GPHN: variants seen among roughly 807,000 people sequenced by gnomAD.
GPHN encodes the protein gephyrin.
GPHN carries 17 observed loss-of-function variants against 95.5 expected under a neutral mutation model. That is an observed-to-expected ratio of 0.18 (90% CI 0.12 to 0.27). The LOEUF is 0.27. Ranked by LOEUF, GPHN falls within the 10% of genes least tolerant of loss-of-function variation. The probability of loss-of-function intolerance (pLI) is 1.00; values close to 1 mark genes in which losing one functional copy is unlikely to be tolerated. For synonymous variants in GPHN, 320 were observed against 322.5 expected (o/e 0.99, Z 0.08); for missense variants, 660 against 978.1 (o/e 0.67, Z 4.34).
downstream of GPHN, among the ~76,000 whole-genome samples, chr14:67,185,330 A>G (rs528019825): frequency 1.3e-5 from 2 of 152,292 alleles, no homozygotes; most frequent in South Asian, 4.1e-4. Flanking sequence ...TGGGAAAGAA[A>G]AGGGGCATTT....
At chr14:66,609,150 T>C (rs2062672975) in intron 1 of GPHN, among the ~76,000 whole-genome samples, 1 of 152,180 alleles carries the variant, frequency 6.6e-6, no homozygotes, top group South Asian at 2.1e-4. Flanking sequence ...TAGCACTCCC[T>C]TATGGACTTT....
intron 10 of GPHN, among the ~76,000 whole-genome samples, chr14:67,027,375 G>A (rs2073980471): frequency 6.6e-6 from 1 of 152,012 alleles, no homozygotes; most frequent in Non-Finnish European, 1.5e-5. Flanking sequence ...CTGTCACCCA[G>A]GATGGAATGC....
chr14:66,800,517 A>G (rs2060309446), intron 3 of GPHN, among the ~76,000 whole-genome samples: 1 of 152,104 alleles, frequency 6.6e-6, no homozygotes, highest in Non-Finnish European at 1.5e-5. Context: ...CTTGGTCTAT[A>G]AGGTTTCCAC....
chr14:67,376,544 A>C, the GPHN span: 1 of 1,614,124 alleles, frequency 6.2e-7, no homozygotes, highest in Non-Finnish European at 8.5e-7. Flanking sequence ...TGACAAGTAC[A>C]AGAGACCTGG....
chr14:66,726,790 A>G (rs2071280777), intron 2 of GPHN, among the ~76,000 whole-genome samples: 1 of 152,220 alleles, frequency 6.6e-6, no homozygotes, highest in Non-Finnish European at 1.5e-5. Flanking sequence ...GAGTGCTGCC[A>G]TGATGCCACA....
At chr14:66,509,560 G>C (rs755064369) in intron 1 of GPHN, among the ~76,000 whole-genome samples, 9 of 152,328 alleles carry the variant, frequency 5.9e-5, no homozygotes, top group Non-Finnish European at 8.8e-5. Context: ...ACAGCAAGCG[G>C]ATTTGTAGGG....
At chr14:66,679,268 T>C (rs2066802175) in intron 1 of GPHN, among the ~76,000 whole-genome samples, 2 of 152,236 alleles carry the variant, frequency 1.3e-5, no homozygotes, top group South Asian at 2.1e-4. Context: ...TATTGTCCCA[T>C]TGTCTTCTGG....
chr14:67,124,721 GA>G (rs1420042442), intron 17 of GPHN, among the ~76,000 whole-genome samples: 1 of 152,120 alleles, frequency 6.6e-6, no homozygotes, highest in Non-Finnish European at 1.5e-5. Context: ...TGAGCTCTAA[GA>G]AATAGTATAA....
chr14:67,070,715 A>AATATATATATATATATATATATAT (rs1555482658), intron 11 of GPHN, among the ~76,000 whole-genome samples: 5 of 80,690 alleles, frequency 6.2e-5, no homozygotes, highest in East Asian at 9.0e-4. Flanking sequence ...AAAAAAAAAA[A>AATATATATATATATATATATATAT]ATATATATAT....
chr14:67,689,782 A>G, the GPHN span, among the ~76,000 whole-genome samples: 5 of 152,042 alleles, frequency 3.3e-5, no homozygotes, highest in South Asian at 1.0e-3. Context: ...TGTCTCTACT[A>G]AAAATACAAA....
Position 66,723,370 on chromosome 14 carries a change from C to T in GPHN, c.143+42185C>T, listed in dbSNP as rs2070937211. Among the ~76,000 whole-genome samples, 7 of 147,836 alleles carry T rather than the reference C, an allele frequency of 4.7e-5. No homozygotes were observed. In the South Asian group the frequency reaches 1.5e-3, roughly 32 times the overall value. Reference sequence around the variant, plus strand: ...AAAAGGTTAACCTTTTGGTTATAACCTTTTATAAATATTATTTATGAAAGT... The same window carrying T: ...AAAAGGTTAACCTTTTGGTTATAACTTTTTATAAATATTATTTATGAAAGT... On this transcript the variant is annotated intron_variant, in intron 2 of 22. Coordinates refer to ENST00000478722, the MANE Select transcript of GPHN (RefSeq NM_020806.5).
chr14:67,146,231 A>G (rs1024987659), intron 18 of GPHN, among the ~76,000 whole-genome samples: 4 of 151,996 alleles, frequency 2.6e-5, no homozygotes, highest in African/African-American at 9.7e-5. Context: ...TGCTTGTTGG[A>G]CTCATAGACC....
intron 1 of GPHN, among the ~76,000 whole-genome samples, chr14:66,629,125 G>GTATATAAATATATATTTATATACA (rs1244159153): frequency 1.7e-4 from 20 of 121,158 alleles, no homozygotes; most frequent in Non-Finnish European, 3.0e-4. Context: ...ATATAAATAT[G>GTATATAAATATATATTTATATACA]TATATAAATA....
chr14:67,573,458 C>A, the GPHN span: 3 of 1,022,016 alleles, frequency 2.9e-6, no homozygotes, highest in East Asian at 2.4e-5. The surrounding 1 kb of genome is among the most constrained non-coding windows in gnomAD (Gnocchi z 4.8). Flanking sequence ...TCAGATGGGA[C>A]GGAGGAGGGG....
chr14:66,885,226 A>G (rs1336132350), intron 5 of GPHN, among the ~76,000 whole-genome samples: 3 of 152,094 alleles, frequency 2.0e-5, no homozygotes, highest in Non-Finnish European at 4.4e-5. Flanking sequence ...GTAGGGGAGC[A>G]TAAGATGGCA....
chr14:66,590,505 A>G (rs1057490137), intron 1 of GPHN, among the ~76,000 whole-genome samples: 4 of 152,220 alleles, frequency 2.6e-5, no homozygotes, highest in Admixed American at 2.0e-4. Flanking sequence ...ACAAACTACC[A>G]TCAGAGAATG....
At chr14:67,731,928 C>T in the GPHN span, among the ~76,000 whole-genome samples, 1 of 151,474 alleles carries the variant, frequency 6.6e-6, no homozygotes, top group South Asian at 2.1e-4. Flanking sequence ...GGAGTTGAGA[C>T]CAGCCTGGCC....
chr14:67,622,410 C>T, the GPHN span, among the ~76,000 whole-genome samples: 1 of 152,122 alleles, frequency 6.6e-6, no homozygotes, highest in Non-Finnish European at 1.5e-5. Flanking sequence ...CTTCATATAC[C>T]TCCACCTACA....
In GPHN at chr14:66,929,054, CTT is replaced by C. The variant is rs147521541; in HGVS notation, c.828+4780_828+4781del. Among the ~76,000 whole-genome samples, 702 of 122,708 alleles carry C rather than the reference CTT, an allele frequency of 5.7e-3. 8 individuals carry two copies. The highest frequency in any genetic ancestry group is 0.016 in the African/African-American group (547 of 34,418). 80.5% of individuals were successfully genotyped at this position (122,708 alleles called of 152,430 possible). A position where few individuals can be genotyped will look rare whatever the true frequency, so the allele number is the denominator to read the frequency against. On this transcript the variant is annotated intron_variant, in intron 8 of 22. Coordinates refer to ENST00000478722, the MANE Select transcript of GPHN (RefSeq NM_020806.5). ...GTAATAGAGATTAAGTCCAATGTTT[CTT>C]TTTTTTTTTTTTTTTTTAAGATAGA...
Sources: gnomAD v4.1 joint callset for allele counts (sites outside exome capture counted in the v4.1 genomes callset) on GRCh38, gnomAD v4.1.1 for gene constraint, Gnocchi (gnomAD v3.1) non-coding constraint, MANE v1.5 for transcripts, NCBI Gene and HGNC (gene_info 2026-07-23, HGNC 2026-07-21) for gene names.